PRKN: variants seen among roughly 807,000 people sequenced by gnomAD.
PRKN encodes E3 ubiquitin-protein ligase parkin.
PRKN carries 56 observed loss-of-function variants against 59.5 expected under a neutral mutation model. The ratio of observed to expected loss-of-function variants is 0.94; its 90% CI spans 0.76 to 1.18. The LOEUF (loss-of-function observed/expected upper bound fraction) is 1.18. PRKN is among the 50% of genes most tolerant of loss of function. The pLI, the probability that PRKN is intolerant of heterozygous loss-of-function variation, is 0.00. For synonymous variants in PRKN, 250 were observed against 222.1 expected (o/e 1.13, Z -1.12); for missense variants, 657 against 596.4 (o/e 1.10, Z -1.06).
chr6:162,369,766 C>G (rs567921119), intron 2 of PRKN, among the ~76,000 whole-genome samples: 1 of 152,252 alleles, frequency 6.6e-6, no homozygotes, highest in Admixed American at 6.5e-5. Context: ...GAACTCCCCT[C>G]TTTATAATAA....
chr6:162,467,660 C>T (rs888560090), intron 1 of PRKN, among the ~76,000 whole-genome samples: 2 of 152,040 alleles, frequency 1.3e-5, no homozygotes, highest in African/African-American at 2.4e-5. Flanking sequence ...CAGAGGAATC[C>T]CTTGACACAA....
chr6:162,666,934 C>T (rs1037011885), intron 1 of PRKN, among the ~76,000 whole-genome samples: 1 of 151,976 alleles, frequency 6.6e-6, no homozygotes, highest in African/African-American at 2.4e-5. Context: ...ATACAGATGA[C>T]GTATTCAAAT....
intron 9 of PRKN, among the ~76,000 whole-genome samples, chr6:161,418,249 G>A (rs540707867): frequency 5.9e-5 from 9 of 152,306 alleles, no homozygotes; most frequent in South Asian, 2.1e-4. Flanking sequence ...TTTACTCCAC[G>A]GAGAGAAGAA....
intron 3 of PRKN, among the ~76,000 whole-genome samples, chr6:162,239,563 G>A (rs1562605620): frequency 6.6e-6 from 1 of 151,990 alleles, no homozygotes; most frequent in Admixed American, 6.6e-5. Flanking sequence ...TCTCGGCTTC[G>A]TGGGAGTTGA....
intron 1 of PRKN, among the ~76,000 whole-genome samples, chr6:162,718,814 A>C (rs1778824168): frequency 6.6e-6 from 1 of 152,318 alleles, no homozygotes; most frequent in Admixed American, 6.5e-5. Context: ...AAAAACAAGC[A>C]CAGAGACTTG....
chr6:162,132,083 G>A (rs1781385436), intron 4 of PRKN, among the ~76,000 whole-genome samples: 1 of 152,218 alleles, frequency 6.6e-6, no homozygotes, highest in South Asian at 2.1e-4. Context: ...TGAGGTTTGA[G>A]TTGACCCCTG....
intron 1 of PRKN, among the ~76,000 whole-genome samples, chr6:162,566,228 C>T (rs1177516692): frequency 6.6e-6 from 1 of 151,540 alleles, no homozygotes; most frequent in Non-Finnish European, 1.5e-5. Context: ...TTCATGATAG[C>T]CCAAAAATCA....
At chr6:161,380,453 A>G (rs558206642) in intron 10 of PRKN, among the ~76,000 whole-genome samples, 4 of 109,446 alleles carry the variant, frequency 3.7e-5, no homozygotes, top group African/African-American at 1.4e-4. Context: ...TTTTTTGGAG[A>G]CAGAGTCTTG....
intron 6 of PRKN, among the ~76,000 whole-genome samples, chr6:161,813,089 G>A (rs913068183): frequency 1.3e-5 from 2 of 152,346 alleles, no homozygotes; most frequent in African/African-American, 2.4e-5. Context: ...ATGGAAGTTG[G>A]ACTGAAGCAG....
At chr6:161,967,333 C>G (rs142739373) in intron 6 of PRKN, among the ~76,000 whole-genome samples, 488 of 152,298 alleles carry the variant, frequency 3.2e-3, no homozygotes, top group African/African-American at 0.011. Context: ...ACAGACAGAA[C>G]TAAATACAAG....
In PRKN at chr6:161,454,163, C is replaced by T. The variant is rs2115134902; in HGVS notation, c.1084-67286G>A. Among the ~76,000 whole-genome samples, 1 of 152,250 alleles carries T rather than the reference C, an allele frequency of 6.6e-6. No homozygotes were observed. The highest frequency in any genetic ancestry group is 2.4e-5 in the African/African-American group (1 of 41,558). ...CAATGTACACAACTCGCTAGGGTTG[C>T]CAGCAGCATTTTGGCGATGTCCCCT... On this transcript the variant is annotated intron_variant, in intron 9 of 11. Coordinates refer to ENST00000366898, the MANE Select transcript of PRKN (RefSeq NM_004562.3). The surrounding 1 kb of genome is among the most constrained non-coding windows in gnomAD (Gnocchi z 4.6).
At chr6:162,692,727 C>T (rs975097507) in intron 1 of PRKN, among the ~76,000 whole-genome samples, 4 of 152,212 alleles carry the variant, frequency 2.6e-5, no homozygotes, top group Admixed American at 2.6e-4. Context: ...TGGTCTCTCC[C>T]TGACTCTGTT....
intron 1 of PRKN, among the ~76,000 whole-genome samples, chr6:162,453,967 A>G (rs1790745777): frequency 6.6e-6 from 1 of 152,174 alleles, no homozygotes; most frequent in Non-Finnish European, 1.5e-5. Flanking sequence ...GAAGGAGATG[A>G]CAAAGAAAGG....
chr6:161,760,986 T>C (rs1319778618), intron 7 of PRKN, among the ~76,000 whole-genome samples: 1 of 152,206 alleles, frequency 6.6e-6, no homozygotes, highest in Admixed American at 6.5e-5. Flanking sequence ...ATGCCATGCT[T>C]TGAGTATTCA....
At chr6:162,366,909 T>C (rs1785470695) in intron 2 of PRKN, among the ~76,000 whole-genome samples, 1 of 152,126 alleles carries the variant, frequency 6.6e-6, no homozygotes, top group African/African-American at 2.4e-5. Flanking sequence ...CAAAATAAAA[T>C]AAATTTTAAA....
intron 4 of PRKN, among the ~76,000 whole-genome samples, chr6:162,130,436 T>A (rs548403034): frequency 6.6e-6 from 1 of 152,212 alleles, no homozygotes; most frequent in Admixed American, 6.5e-5. Context: ...ATTTCAAGGT[T>A]TACAGAGCAG....
At chr6:161,999,863 A>G (rs1781985620) in intron 5 of PRKN, among the ~76,000 whole-genome samples, 1 of 152,162 alleles carries the variant, frequency 6.6e-6, no homozygotes, top group African/African-American at 2.4e-5. Context: ...TAACAATAAT[A>G]ATAAATGATG....
chr6:162,291,966 T>G (rs1054152315), intron 2 of PRKN, among the ~76,000 whole-genome samples: 7 of 150,628 alleles, frequency 4.6e-5, no homozygotes, highest in South Asian at 4.2e-4. Flanking sequence ...TTATTGTTTT[T>G]TTTTTTTTTT....
At chr6:162,646,507 C>T (rs1162019284) in intron 1 of PRKN, among the ~76,000 whole-genome samples, 1 of 151,974 alleles carries the variant, frequency 6.6e-6, no homozygotes, top group East Asian at 1.9e-4. Flanking sequence ...TGGTCTCAAA[C>T]TCCTGGCCTC....
Sources: allele counts gnomAD v4.1 joint callset (sites outside exome capture counted in the v4.1 genomes callset), GRCh38; gene constraint gnomAD v4.1.1; non-coding constraint Gnocchi (gnomAD v3.1); transcripts MANE v1.5; gene names NCBI Gene and HGNC (gene_info 2026-07-23, HGNC 2026-07-21).